MAPK8IP3: variants seen among roughly 807,000 people sequenced by gnomAD.
The protein encoded by MAPK8IP3 is C-Jun-amino-terminal kinase-interacting protein 3.
In MAPK8IP3, 49 loss-of-function variants were observed where a neutral mutation model predicts 157.8. The observed-to-expected ratio is 0.31, with a 90% CI of 0.25 to 0.39. The LOEUF (loss-of-function observed/expected upper bound fraction) is 0.39. Among genes scored for constraint, MAPK8IP3 ranks in the 10% least tolerant of loss-of-function variants. The probability of loss-of-function intolerance (pLI) is 1.00; values close to 1 mark genes in which losing one functional copy is unlikely to be tolerated. For missense variants in MAPK8IP3, 1,478 were observed against 1,889.4 expected (o/e 0.78, Z 4.04); for synonymous variants, 897 against 777.7 (o/e 1.15, Z -2.55).
intron 11 of MAPK8IP3, 105 bp from the exon 12 acceptor site, chr16:1,760,275 A>AC (rs2041859609): frequency 1.4e-6 from 2 of 1,432,164 alleles, no homozygotes; most frequent in African/African-American, 2.9e-5. Context: ...CTTCCTAACC[A>AC]GGCTGTGCCT....
chr16:1,735,315 CGT>C (rs1048465620), intron 4 of MAPK8IP3, among the ~76,000 whole-genome samples: 39 of 147,104 alleles, frequency 2.7e-4, no homozygotes, highest in African/African-American at 6.6e-4. Context: ...TCCGTGTTTC[CGT>C]GTGTGTCCAT....
rs759472570 is a variant in MAPK8IP3 at position 1,766,529 on chromosome 16, C to T, written c.2820C>T (p.Ser940=). The T allele has an allele frequency of 1.9e-5, 30 of 1,611,144 alleles. No individual in the cohort carries two copies. Among genetic ancestry groups the T allele is most frequent in the South Asian group, 5.5e-5 (5 of 91,064 alleles). ...CCTGGAGCCACCGTTCTTCCTGCAG[C>T]GAGAACGGGCCAGAGCCTGACAGCA... ...PTPSSGPQPG[S]ENGPEPDSSS... The change falls in exon 23 of 32, where the codon AGC becomes AGT. Residue 940 remains serine (S), a splice_region_variant and synonymous_variant. Transcript: ENST00000610761.
At position 1,765,983 on chromosome 16, in the gene MAPK8IP3, C is replaced by T; in HGVS notation, c.2470C>T (p.Pro824Ser). Reference protein sequence around the residue: ...IPAASDSDYPPGEMFLDSDVN... With the variant: ...IPAASDSDYPSGEMFLDSDVN... ...AGCGGCCAGCGACAGCGACTACCCTCCCGGGGAGATGTTCCTGGACAGCGA... is the reference window on the plus strand; with the variant it reads ...AGCGGCCAGCGACAGCGACTACCCTTCCGGGGAGATGTTCCTGGACAGCGA... Residue 824 changes from proline (P) to serine (S), a missense_variant, in exon 21 of 32, where the codon CCC (proline) becomes TCC (serine). Pro to Ser is a moderately conservative substitution (Grantham distance 74, BLOSUM62 -1). Transcript: ENST00000610761. 2 of 1,612,540 alleles carry T rather than the reference C, an allele frequency of 1.2e-6. No homozygotes were observed. The highest frequency in any genetic ancestry group is 1.7e-4 in the Middle Eastern group (1 of 6,056).
In MAPK8IP3 at chr16:1,743,698, C is replaced by T. The variant is rs2141848754; in HGVS notation, c.747+222C>T. On this transcript the variant is annotated intron_variant, in intron 5 of 31. Coordinates refer to ENST00000610761, the MANE Select transcript of MAPK8IP3 (RefSeq NM_001318852.2). This position sits in a 1 kb window ranked among gnomAD's most constrained non-coding sequence, Gnocchi z 5.6. The stretch of plus-strand genomic sequence containing the variant: ...GTGGCTGTTCCACGCGGCCTCGTGT[C>T]GGCACCTGCTAGTCCAGGCTAGACC... 20 of 1,397,474 alleles carry T rather than the reference C, an allele frequency of 1.4e-5. No homozygotes were observed. The highest frequency in any genetic ancestry group is 3.4e-5 in the Admixed American group (1 of 29,738). 86.6% of individuals were successfully genotyped at this position (1,397,474 alleles called of 1,614,324 possible).
intron 1 of MAPK8IP3, among the ~76,000 whole-genome samples, chr16:1,715,301 G>A (rs936744260): frequency 5.9e-5 from 9 of 152,044 alleles, no homozygotes; most frequent in East Asian, 1.9e-4. Flanking sequence ...CCCGTGTCCC[G>A]TCCAGCAGGC....
Position 1,706,773 on chromosome 16 carries a change from G to A in MAPK8IP3, c.318+116G>A, listed in dbSNP as rs1375837495. ...CCCGCTCCGGCACCCCGGACCGCGG[G>A]ACCCCTGGACCCCCAGACCCCGCCC... On this transcript the variant is annotated intron_variant, in intron 1 of 31. Transcript: ENST00000610761. This position sits in a 1 kb window ranked among gnomAD's most constrained non-coding sequence, Gnocchi z 5.1. 2.6e-6 allele frequency: 3 copies of A among 1,165,568 alleles called. No individual in the cohort carries two copies. Among genetic ancestry groups the A allele is most frequent in the East Asian group, 2.8e-5 (1 of 36,130 alleles). The allele number at this position is 1,165,568 out of a possible 1,614,324, so 72.2% of individuals were successfully genotyped here.
intron 8 of MAPK8IP3, among the ~76,000 whole-genome samples, chr16:1,756,664 ACACAC>A (rs2041618025): frequency 7.1e-6 from 1 of 141,316 alleles, no homozygotes; most frequent in Non-Finnish European, 1.5e-5. Flanking sequence ...ACACACACAC[ACACAC>A]AAATTAGCCG....
At chr16:1,752,947 C>T (rs2041378363) in intron 8 of MAPK8IP3, among the ~76,000 whole-genome samples, 1 of 152,192 alleles carries the variant, frequency 6.6e-6, no homozygotes, top group Non-Finnish European at 1.5e-5. Context: ...AGCTCAGCTG[C>T]AGAATGGGCA....
chr16:1,709,943 GT>G (rs1457994273), intron 1 of MAPK8IP3, among the ~76,000 whole-genome samples: 1 of 152,232 alleles, frequency 6.6e-6, no homozygotes, highest in Non-Finnish European at 1.5e-5. Flanking sequence ...GGCAGCTGGA[GT>G]GGGTGTTCTC....
At chr16:1,711,504 T>C (rs1239444810) in intron 1 of MAPK8IP3, among the ~76,000 whole-genome samples, 2 of 152,200 alleles carry the variant, frequency 1.3e-5, no homozygotes, top group African/African-American at 4.8e-5. Flanking sequence ...ACAAGATTTT[T>C]GGATGGGCCC....
rs762028593 is a variant in MAPK8IP3, at chr16:1,748,873, T to TTGTC, written c.1216+154_1216+157dup. On this transcript the variant is annotated intron_variant, in intron 8 of 31. Coordinates refer to ENST00000610761, the MANE Select transcript of MAPK8IP3 (RefSeq NM_001318852.2). ...TTGTTGAGTTGCGTTTCACATGGAA[T>TTGTC]TGTCCCTCCATCTCCACAGGGGATT... 14 of 783,748 alleles carry TTGTC rather than the reference T, an allele frequency of 1.8e-5. 1 individual carries two copies. The highest frequency in any genetic ancestry group is 1.4e-4 in the Admixed American group (8 of 58,068). The allele number at this position is 783,748 out of a possible 1,614,324, so 48.5% of individuals were successfully genotyped here. A position where few individuals can be genotyped will look rare whatever the true frequency, so the allele number is the denominator to read the frequency against.
intron 1 of MAPK8IP3, among the ~76,000 whole-genome samples, chr16:1,721,156 G>A (rs188363891): frequency 6.6e-6 from 1 of 150,602 alleles, no homozygotes. Context: ...TGACCAACAT[G>A]GAAAACACCA....
Position 1,763,727 on chromosome 16 carries a change from AACG to A in MAPK8IP3, c.1976_1978del (p.Asp659del). The A allele has an allele frequency of 6.3e-7, 1 of 1,595,732 alleles. No homozygotes were observed. The highest frequency in any genetic ancestry group is 8.5e-7 in the Non-Finnish European group (1 of 1,170,034). On this transcript the variant is annotated inframe_deletion, in exon 17 of 32. Coordinates refer to ENST00000610761, the MANE Select transcript of MAPK8IP3 (RefSeq NM_001318852.2). ...CCGCCAGGTGCGTGAGCACGTGCGT[AACG>A]ACGACGGCCGTCTGCAGGCCTGCGG...
intron 20 of MAPK8IP3, among the ~76,000 whole-genome samples, chr16:1,765,469 G>A (rs2042204517): frequency 6.6e-6 from 1 of 152,206 alleles, no homozygotes; most frequent in Non-Finnish European, 1.5e-5. Context: ...ATCACTCGGA[G>A]ACCACAGGAA....
intron 1 of MAPK8IP3, among the ~76,000 whole-genome samples, chr16:1,716,799 C>T (rs1015368985): frequency 1.3e-5 from 2 of 152,036 alleles, no homozygotes; most frequent in African/African-American, 2.4e-5. Flanking sequence ...TGGTTCACGC[C>T]TGTAATCCCA....
rs2040009753 is a variant in MAPK8IP3, at chr16:1,737,199, T to C, written c.603-6133T>C. Among the ~76,000 whole-genome samples the C allele has an allele frequency of 2.1e-5, 2 of 94,104 alleles. 1 individual carries two copies. Among genetic ancestry groups the C allele is most frequent in the Non-Finnish European group, 4.4e-5 (2 of 45,834 alleles). 61.7% of individuals were successfully genotyped at this position (94,104 alleles called of 152,430 possible). A position where few individuals can be genotyped will look rare whatever the true frequency, so the allele number is the denominator to read the frequency against. On this transcript the variant is annotated intron_variant, in intron 4 of 31. Coordinates refer to ENST00000610761, the MANE Select transcript of MAPK8IP3 (RefSeq NM_001318852.2). ...GAGCGTGTGACCGTCCGTGTGAGCG[T>C]GTGACCATCCGTGAGAGTGTGACCA...
chr16:1,707,126 C>A, intron 1 of MAPK8IP3: 1 of 162,340 alleles, frequency 6.2e-6, no homozygotes, highest in Non-Finnish European at 1.3e-5. Flanking sequence ...TTCCCGACCC[C>A]AAGTGCTACC....
intron 1 of MAPK8IP3, among the ~76,000 whole-genome samples, chr16:1,719,267 C>T (rs560324186): frequency 6.6e-6 from 1 of 151,992 alleles, no homozygotes; most frequent in Admixed American, 6.6e-5. Context: ...CTGTGCCCAG[C>T]CTGAGACCCA....
intron 20 of MAPK8IP3, 44 bp from the exon 21 acceptor site, chr16:1,765,916 A>G (rs1292871463): frequency 6.5e-7 from 1 of 1,550,268 alleles, no homozygotes; most frequent in Non-Finnish European, 8.8e-7. Context: ...CCCTTGCAGT[A>G]GTGGGTTCCC....
Sources: allele counts gnomAD v4.1 joint callset (sites outside exome capture counted in the v4.1 genomes callset), GRCh38; gene constraint gnomAD v4.1.1; non-coding constraint Gnocchi (gnomAD v3.1); transcripts MANE v1.5; gene names NCBI Gene and HGNC (gene_info 2026-07-23, HGNC 2026-07-21).